Variants in ZBBX observed in about 807,000 individuals in gnomAD.
ZBBX encodes zinc finger B-box domain-containing protein 1.
A neutral mutation model predicts 108.5 loss-of-function variants in ZBBX; 101 were observed. The ratio of observed to expected loss-of-function variants is 0.93; its 90% CI spans 0.79 to 1.10. The LOEUF is 1.10. Ranked by LOEUF, ZBBX falls within the 50% of genes least tolerant of loss-of-function variation. The pLI is 0.00. For synonymous variants in ZBBX, 356 were observed against 323.4 expected (o/e 1.10, Z -1.08); for missense variants, 1,009 against 941.4 (o/e 1.07, Z -0.94).
rs138109774 is a variant in ZBBX, at chr3:167,386,445, G to T, written c.-445-6040C>A. 2.5e-3 allele frequency among the ~76,000 whole-genome samples: 375 copies of T among 152,122 alleles called. 3 individuals carry two copies. The highest frequency in any genetic ancestry group is 8.5e-3 in the African/African-American group (352 of 41,522). ...AAACTCCAAAGTATAGATTCCCAGA[G>T]AATTCTTTTAAACAGCAGTAGAGCG... On this transcript the variant is annotated intron_variant, in intron 1 of 21. Coordinates refer to the ZBBX transcript ENST00000455345.
chr3:167,290,910 T>C (rs1280060046), intron 18 of ZBBX, among the ~76,000 whole-genome samples: 1 of 152,050 alleles, frequency 6.6e-6, no homozygotes, highest in East Asian at 1.9e-4. Context: ...TCATGAAGCA[T>C]ACACAAGTGT....
intron 20 of ZBBX, among the ~76,000 whole-genome samples, chr3:167,252,589 G>A (rs1219384887): frequency 4.6e-4 from 66 of 143,550 alleles, no homozygotes; most frequent in Non-Finnish European, 3.2e-4. Flanking sequence ...CTTCCCAACA[G>A]AAAAAAAAAA....
At chr3:167,179,465 G>T in the ZBBX span, among the ~76,000 whole-genome samples, 3 of 152,210 alleles carry the variant, frequency 2.0e-5, no homozygotes, top group African/African-American at 4.8e-5. Context: ...TGGAAGAGGG[G>T]TATGAGCCCT....
intron 9 of ZBBX, among the ~76,000 whole-genome samples, chr3:167,343,440 C>G (rs1245526164): frequency 6.6e-6 from 1 of 151,868 alleles, no homozygotes; most frequent in Non-Finnish European, 1.5e-5. Context: ...CTCCCTACCC[C>G]TTTCAATTGT....
chr3:167,238,855 C>A (rs144883258), downstream of ZBBX, among the ~76,000 whole-genome samples: 1 of 152,218 alleles, frequency 6.6e-6, no homozygotes, highest in African/African-American at 2.4e-5. Context: ...TCAACACCAG[C>A]AAAATACTTC....
intron 20 of ZBBX, among the ~76,000 whole-genome samples, chr3:167,275,422 G>A (rs1285284515): frequency 6.6e-6 from 1 of 152,158 alleles, no homozygotes; most frequent in Non-Finnish European, 1.5e-5. Flanking sequence ...GTGGGTGCGC[G>A]CACTGTGCGC....
chr3:167,363,496 C>G (rs1453059512), intron 6 of ZBBX, among the ~76,000 whole-genome samples: 1 of 151,980 alleles, frequency 6.6e-6, no homozygotes, highest in Non-Finnish European at 1.5e-5. Context: ...TTTCTTCCAC[C>G]TTTCTTGTCT....
At chr3:167,220,540 T>C in the ZBBX span, among the ~76,000 whole-genome samples, 1 of 151,980 alleles carries the variant, frequency 6.6e-6, no homozygotes, top group African/African-American at 2.4e-5. Flanking sequence ...CAACATCCCA[T>C]TATGATGAAA....
chr3:167,250,225 G>C (rs1246149658), intron 20 of ZBBX, among the ~76,000 whole-genome samples: 1 of 152,054 alleles, frequency 6.6e-6, no homozygotes, highest in African/African-American at 2.4e-5. Flanking sequence ...AGAGACAGGA[G>C]GCCTAAAAAA....
intron 11 of ZBBX, among the ~76,000 whole-genome samples, chr3:167,324,725 T>C (rs1429088472): frequency 6.6e-6 from 1 of 152,152 alleles, no homozygotes; most frequent in Non-Finnish European, 1.5e-5. Context: ...TTCCATTCTT[T>C]GAAATCAGGA....
intron 20 of ZBBX, among the ~76,000 whole-genome samples, chr3:167,253,207 T>C (rs1023357056): frequency 1.3e-5 from 2 of 152,162 alleles, no homozygotes; most frequent in East Asian, 1.9e-4. Context: ...ATAAAATTTA[T>C]TGAGGTGTGG....
chr3:167,359,744 A>C (rs970359906), intron 8 of ZBBX, 126 bp downstream of exon 8: 8 of 409,726 alleles, frequency 2.0e-5, no homozygotes, highest in Non-Finnish European at 3.4e-5. Context: ...AGTAATGAAG[A>C]AAAAGTATAT....
At chr3:167,385,185 A>G (rs79367181), upstream of ZBBX, among the ~76,000 whole-genome samples, 1,201 of 152,116 alleles carry the variant, frequency 7.9e-3, 16 homozygotes, top group African/African-American at 0.028. Context: ...ACAAACCTAG[A>G]TGTTATACAC....
chr3:167,298,490 T>C, intron 17 of ZBBX, 32 bp from the exon 18 acceptor site: 1 of 1,416,218 alleles, frequency 7.1e-7, no homozygotes, highest in Non-Finnish European at 9.4e-7. Flanking sequence ...AATATTATTT[T>C]CTAACTCATT....
chr3:167,200,100 G>T, the ZBBX span, among the ~76,000 whole-genome samples: 59 of 151,920 alleles, frequency 3.9e-4, no homozygotes, highest in Admixed American at 2.3e-3. Context: ...CTTCTTCTTG[G>T]GACATCAGTT....
intron 1 of ZBBX, among the ~76,000 whole-genome samples, chr3:167,388,418 T>C (rs756265595): frequency 2.6e-5 from 4 of 151,892 alleles, no homozygotes; most frequent in Non-Finnish European, 4.4e-5. Context: ...AACTGATTTA[T>C]ATTTTTATAA....
intron 20 of ZBBX, among the ~76,000 whole-genome samples, chr3:167,245,575 A>G (rs12488946): frequency 0.82 from 124,564 of 152,048 alleles, 51,420 homozygotes; most frequent in African/African-American, 0.93. Context: ...CCCAGTGTTG[A>G]AGGAGGGGTC....
chr3:167,239,065 C>G (rs75420089), downstream of ZBBX, among the ~76,000 whole-genome samples: 881 of 152,148 alleles, frequency 5.8e-3, 6 homozygotes, highest in African/African-American at 0.021. Context: ...TTGCCTCATG[C>G]AATTGTGGGA....
chr3:167,397,025 AT>A lies in ZBBX; in HGVS notation c.-446+10700del, dbSNP rs973084949. Among the ~76,000 whole-genome samples, 56 of 150,802 alleles carry A rather than the reference AT, an allele frequency of 3.7e-4. 1 individual carries two copies. Among genetic ancestry groups the A allele is most frequent in the Admixed American group, 8.7e-4 (13 of 15,012 alleles). ...TGACATGGAAAGGATGGCATTGCTCATTTTTTTCCCTTTTTTAAATTGAAAC... is the reference window on the plus strand; with the variant it reads ...TGACATGGAAAGGATGGCATTGCTCATTTTTTCCCTTTTTTAAATTGAAAC... On this transcript the variant is annotated intron_variant, in intron 1 of 21. Coordinates refer to the ZBBX transcript ENST00000455345.
Sources: gnomAD v4.1 joint callset for allele counts (sites outside exome capture counted in the v4.1 genomes callset) on GRCh38, gnomAD v4.1.1 for gene constraint, MANE v1.5 for transcripts, NCBI Gene and HGNC (gene_info 2026-07-23, HGNC 2026-07-21) for gene names.